The following GALNT17 variants were observed in gnomAD, a reference collection of about 807,000 sequenced individuals.
GALNT17 encodes the protein polypeptide N-acetylgalactosaminyltransferase 17.
A neutral mutation model predicts 63.7 loss-of-function variants in GALNT17; 29 were observed. The observed-to-expected ratio is 0.46, with a 90% CI of 0.34 to 0.62. The LOEUF (loss-of-function observed/expected upper bound fraction) is 0.62, where lower values mean the gene tolerates loss of function less well. Among genes scored for constraint, GALNT17 ranks in the 20% least tolerant of loss-of-function variants. The probability of loss-of-function intolerance (pLI) is 0.01; values close to 1 mark genes in which losing one functional copy is unlikely to be tolerated. For synonymous variants in GALNT17, 305 were observed against 318.3 expected (o/e 0.96, Z 0.45); for missense variants, 603 against 799.6 (o/e 0.75, Z 2.97).
intron 1 of GALNT17, among the ~76,000 whole-genome samples, chr7:71,310,040 G>A (rs1419159114): frequency 1.3e-5 from 2 of 152,142 alleles, no homozygotes; most frequent in Non-Finnish European, 2.9e-5. Context: ...CCCTGCACAA[G>A]CTCTCTCTTT....
At chr7:71,356,649 G>A (rs1277805735) in intron 2 of GALNT17, among the ~76,000 whole-genome samples, 1 of 152,198 alleles carries the variant, frequency 6.6e-6, no homozygotes, top group Non-Finnish European at 1.5e-5. Flanking sequence ...CATGAGGATA[G>A]CTCCAAGGCG....
At chr7:71,318,422 G>T (rs76922253) in intron 1 of GALNT17, among the ~76,000 whole-genome samples, 85,007 of 138,144 alleles carry the variant, frequency 0.62, 26,679 homozygotes, top group African/African-American at 0.69. Context: ...TTTTTTTTTT[G>T]TGTGTGTGTG....
intron 6 of GALNT17, among the ~76,000 whole-genome samples, chr7:71,576,570 G>T (rs1398445972): frequency 6.4e-5 from 6 of 93,698 alleles, no homozygotes; most frequent in Admixed American, 2.2e-4. Flanking sequence ...TGTGTGTTTT[G>T]TTTGTTTGTT....
chr7:71,259,631 G>GT lies in GALNT17; in HGVS notation c.239-75913dup, dbSNP rs1164044325. Among the ~76,000 whole-genome samples the GT allele has an allele frequency of 1.6e-3, 214 of 129,776 alleles. 4 individuals carry two copies. Among genetic ancestry groups the GT allele is most frequent in the African/African-American group, 5.8e-3 (206 of 35,316 alleles). The allele number at this position is 129,776 out of a possible 152,430, so 85.1% of individuals were successfully genotyped here. On this transcript the variant is annotated intron_variant, in intron 1 of 10. Transcript: ENST00000333538. ...GACCAACAGATCTTGGTCCTGTTTT[G>GT]TTTTTTGTTTTTTTGTTTTTTTTTT...
intron 1 of GALNT17, among the ~76,000 whole-genome samples, chr7:71,247,433 A>G (rs905891665): frequency 6.6e-6 from 1 of 152,084 alleles, no homozygotes; most frequent in Non-Finnish European, 1.5e-5. Flanking sequence ...TCAGGCTCCT[A>G]GAAACTTCAC....
intron 1 of GALNT17, among the ~76,000 whole-genome samples, chr7:71,167,076 A>G (rs956351951): frequency 6.6e-5 from 9 of 135,406 alleles, no homozygotes; most frequent in African/African-American, 2.6e-4. Context: ...TTGGAGAGAC[A>G]GGGTCTCTCT....
intron 5 of GALNT17, among the ~76,000 whole-genome samples, chr7:71,530,724 G>A (rs901452049): frequency 2.6e-5 from 4 of 151,982 alleles, no homozygotes; most frequent in African/African-American, 9.6e-5. Context: ...CCCGCCTACA[G>A]GCCTGGCTAA....
intron 1 of GALNT17, among the ~76,000 whole-genome samples, chr7:71,260,709 G>C (rs12670890): frequency 0.28 from 42,080 of 151,276 alleles, 6,129 homozygotes; most frequent in South Asian, 0.38. Context: ...ACCCTCCTGC[G>C]TCAGCCTCCC....
chr7:71,142,712 G>A (rs1416676654), intron 1 of GALNT17, among the ~76,000 whole-genome samples: 3 of 152,088 alleles, frequency 2.0e-5, no homozygotes, highest in Non-Finnish European at 2.9e-5. Context: ...AGGCCTAAGC[G>A]GGTGGATCAC....
chr7:71,187,977 TG>T (rs1402827211), intron 1 of GALNT17, among the ~76,000 whole-genome samples: 1 of 152,248 alleles, frequency 6.6e-6, no homozygotes, highest in Non-Finnish European at 1.5e-5. Context: ...ATACAATGTT[TG>T]GTTTTTCCAT....
At chr7:71,334,349 C>A (rs540572734) in intron 1 of GALNT17, among the ~76,000 whole-genome samples, 1 of 152,078 alleles carries the variant, frequency 6.6e-6, no homozygotes, top group Admixed American at 6.6e-5. Context: ...TGGGCGCTTC[C>A]GGCTGCCCAG....
At chr7:71,221,482 G>T (rs765460789) in intron 1 of GALNT17, among the ~76,000 whole-genome samples, 1 of 145,112 alleles carries the variant, frequency 6.9e-6, no homozygotes, top group East Asian at 2.1e-4. Flanking sequence ...ATCTCCCTCC[G>T]TAGCCAATTG....
rs186822906 is a variant in GALNT17 at position 71,252,388 on chromosome 7, G to A, written c.239-83162G>A. On this transcript the variant is annotated intron_variant, in intron 1 of 10. Transcript: ENST00000333538. ...AAAAATATAAAAATTACCTGGGCAC[G>A]GTGGCACGTGCCTGTAGTCCCAGCT... 1.8e-3 allele frequency among the ~76,000 whole-genome samples: 271 copies of A among 152,114 alleles called. 1 individual carries two copies. Among genetic ancestry groups the A allele is most frequent in the Non-Finnish European group, 2.8e-3 (191 of 67,994 alleles).
At chr7:71,377,130 TATATATA>T (rs1792757016) in intron 2 of GALNT17, among the ~76,000 whole-genome samples, 1 of 117,452 alleles carries the variant, frequency 8.5e-6, no homozygotes, top group African/African-American at 3.4e-5. Context: ...TATATATATA[TATATATA>T]TATAAAATCT....
chr7:71,340,190 G>A (rs1005886531), intron 2 of GALNT17, among the ~76,000 whole-genome samples: 1 of 152,186 alleles, frequency 6.6e-6, no homozygotes, highest in African/African-American at 2.4e-5. Context: ...GGGATGGTTA[G>A]CAGTTATGTC....
chr7:71,181,152 G>A (rs1206011757), intron 1 of GALNT17, among the ~76,000 whole-genome samples: 3 of 151,980 alleles, frequency 2.0e-5, no homozygotes, highest in African/African-American at 7.2e-5. Context: ...CTACTTGGGA[G>A]GTTGAGGCAG....
chr7:71,409,508 T>C (rs1490352679), intron 3 of GALNT17, among the ~76,000 whole-genome samples: 1 of 152,162 alleles, frequency 6.6e-6, no homozygotes, highest in Non-Finnish European at 1.5e-5. Context: ...AATTGAAATA[T>C]TCAGTAAGTC....
intron 1 of GALNT17, among the ~76,000 whole-genome samples, chr7:71,178,756 T>G (rs970239472): frequency 6.6e-6 from 1 of 152,226 alleles, no homozygotes; most frequent in Non-Finnish European, 1.5e-5. Flanking sequence ...TCCCCATCTG[T>G]TCATTCATTG....
At chr7:71,274,858 A>G (rs1303660022) in intron 1 of GALNT17, among the ~76,000 whole-genome samples, 1 of 152,170 alleles carries the variant, frequency 6.6e-6, no homozygotes, top group Non-Finnish European at 1.5e-5. Context: ...TTTGCATTTC[A>G]AAATGAAAAT....
Sources: gnomAD v4.1 joint callset for allele counts (sites outside exome capture counted in the v4.1 genomes callset) on GRCh38, gnomAD v4.1.1 for gene constraint, MANE v1.5 for transcripts, NCBI Gene and HGNC (gene_info 2026-07-23, HGNC 2026-07-21) for gene names.